LCA5: variants seen among roughly 807,000 people sequenced by gnomAD.
LCA5 encodes lebercilin.
In LCA5, 37 loss-of-function variants were observed where a neutral mutation model predicts 53.0. The ratio of observed to expected loss-of-function variants is 0.70; its 90% CI spans 0.54 to 0.92. The LOEUF is 0.92. Among genes scored for constraint, LCA5 ranks in the 40% least tolerant of loss-of-function variants. The pLI is 0.00. For missense variants in LCA5, 806 were observed against 790.5 expected, an observed-to-expected ratio of 1.02 and a Z score of -0.23; for synonymous variants, 303 against 282.9, an observed-to-expected ratio of 1.07 and a Z score of -0.71.
chr6:79,514,232 T>A (rs750799004), intron 2 of LCA5, among the ~76,000 whole-genome samples: 1 of 152,192 alleles, frequency 6.6e-6, no homozygotes, highest in African/African-American at 2.4e-5. Flanking sequence ...TTTTTTCATA[T>A]GCTTGTTGGC....
chr6:79,526,413 G>A (rs568227107), intron 1 of LCA5, among the ~76,000 whole-genome samples: 5 of 152,156 alleles, frequency 3.3e-5, no homozygotes, highest in South Asian at 2.1e-4. Context: ...GCGAGGTGGC[G>A]GGCGCGTGTA....
intron 1 of LCA5, among the ~76,000 whole-genome samples, chr6:79,528,111 G>C (rs1318212698): frequency 6.6e-6 from 1 of 152,124 alleles, no homozygotes; most frequent in East Asian, 1.9e-4. Flanking sequence ...TTTCCTCTAG[G>C]ATAAAATATC....
intron 3 of LCA5, among the ~76,000 whole-genome samples, chr6:79,494,053 C>A (rs1769914065): frequency 6.6e-6 from 1 of 152,020 alleles, no homozygotes; most frequent in Non-Finnish European, 1.5e-5. Flanking sequence ...GCTCTTGAGA[C>A]CAGCCTAGAC....
At chr6:79,504,985 T>C (rs1770238324) in intron 3 of LCA5, among the ~76,000 whole-genome samples, 1 of 152,186 alleles carries the variant, frequency 6.6e-6, no homozygotes, top group Admixed American at 6.6e-5. Context: ...ATTGCACACA[T>C]AGCAACAATT....
chr6:79,499,562 T>C (rs1243062289), intron 3 of LCA5, among the ~76,000 whole-genome samples: 2 of 151,388 alleles, frequency 1.3e-5, no homozygotes, highest in African/African-American at 4.8e-5. Context: ...AAATATTTCA[T>C]AAAAAATATT....
At chr6:79,504,606 C>G (rs1035058651) in intron 3 of LCA5, among the ~76,000 whole-genome samples, 1 of 152,158 alleles carries the variant, frequency 6.6e-6, no homozygotes, top group East Asian at 1.9e-4. Context: ...ATCTAACAGT[C>G]TGTTTACATA....
chr6:79,504,062 T>C (rs1215063326), intron 3 of LCA5, among the ~76,000 whole-genome samples: 2 of 152,118 alleles, frequency 1.3e-5, no homozygotes, highest in African/African-American at 4.8e-5. Flanking sequence ...GGAATGATAA[T>C]AACCACAAGA....
In LCA5 at chr6:79,487,374, C is replaced by G; in HGVS notation, c.1724G>C (p.Ser575Thr). The part of the protein sequence containing the change: ...ERSNPFSQKS[S>T]FLDFQRNSME... The stretch of plus-strand genomic sequence containing the variant: ...ACTGTTTCTTTGGAAATCCAAAAAA[C>G]TACTTTTTTGACTAAATGGATTTGA... Residue 575 changes from serine to threonine, a missense_variant, in exon 8 of 8, where the codon AGT (serine) becomes ACT (threonine). By Grantham distance (58) the Ser-to-Thr change is moderately conservative (BLOSUM62 1). Coordinates refer to ENST00000369846, the MANE Select transcript of LCA5 (RefSeq NM_001122769.3). The G allele has an allele frequency of 6.2e-7, 1 of 1,612,858 alleles. No homozygotes were observed. The highest frequency in any genetic ancestry group is 8.5e-7 in the Non-Finnish European group (1 of 1,179,614).
Position 79,486,926 on chromosome 6 carries a change from A to G in LCA5, c.*78T>C. 5.0e-6 allele frequency: 6 copies of G among 1,204,576 alleles called. No individual in the cohort carries two copies. Among genetic ancestry groups the G allele is most frequent in the Non-Finnish European group, 6.9e-6 (6 of 868,032 alleles). The allele number at this position is 1,204,576 out of a possible 1,614,324, so 74.6% of individuals were successfully genotyped here. On this transcript the variant is annotated 3_prime_UTR_variant, in exon 8 of 8. Transcript: ENST00000369846. Reference sequence around the variant, plus strand: ...TTAATAAGGACATTTTAGCATTAAAAAGTCTAAATGTTTATAATAAATACT... The same window carrying G: ...TTAATAAGGACATTTTAGCATTAAAGAGTCTAAATGTTTATAATAAATACT...
At chr6:79,519,970 C>T (rs1460026982) in intron 1 of LCA5, among the ~76,000 whole-genome samples, 3 of 151,970 alleles carry the variant, frequency 2.0e-5, no homozygotes, top group Admixed American at 1.3e-4. Flanking sequence ...AAAGATTTTT[C>T]GAAATAATAA....
intron 1 of LCA5, among the ~76,000 whole-genome samples, chr6:79,532,258 T>G (rs1406338509): frequency 6.6e-6 from 1 of 152,212 alleles, no homozygotes; most frequent in Non-Finnish European, 1.5e-5. Context: ...CAAAGTCATG[T>G]GAGTCTAGTC....
intron 7 of LCA5, 131 bp from the exon 8 acceptor site, chr6:79,487,997 A>C (rs1232844832): frequency 1.4e-6 from 1 of 715,606 alleles, no homozygotes; most frequent in Non-Finnish European, 2.3e-6. Flanking sequence ...AGACATCATA[A>C]ATTTCATTTC....
chr6:79,515,414 A>T (rs1766397971), intron 2 of LCA5, among the ~76,000 whole-genome samples: 1 of 152,144 alleles, frequency 6.6e-6, no homozygotes, highest in African/African-American at 2.4e-5. Flanking sequence ...ATCACATCCT[A>T]AAAAATATAA....
At chr6:79,533,430 A>T (rs1282099584) in intron 1 of LCA5, among the ~76,000 whole-genome samples, 1 of 152,062 alleles carries the variant, frequency 6.6e-6, no homozygotes, top group East Asian at 1.9e-4. Context: ...ACTAGATAAA[A>T]GCAAAAAAGG....
At chr6:79,519,240 C>T (rs1415578093) in intron 1 of LCA5, among the ~76,000 whole-genome samples, 155 bp from the exon 2 acceptor site, 1 of 152,138 alleles carries the variant, frequency 6.6e-6, no homozygotes, top group Non-Finnish European at 1.5e-5. Flanking sequence ...AAGTTACTTA[C>T]AGTATTTGGA....
intron 2 of LCA5, among the ~76,000 whole-genome samples, chr6:79,515,853 A>G (rs924104845): frequency 3.9e-5 from 6 of 152,054 alleles, no homozygotes; most frequent in Middle Eastern, 3.2e-3. Context: ...GACTGAATAC[A>G]TGAAAGGAAG....
At chr6:79,506,723 T>C (rs926159294) in intron 3 of LCA5, among the ~76,000 whole-genome samples, 1 of 152,212 alleles carries the variant, frequency 6.6e-6, no homozygotes, top group African/African-American at 2.4e-5. Context: ...CTGAGACACT[T>C]TGGAGGGTCT....
At chr6:79,524,322 T>A (rs1319742880) in intron 1 of LCA5, among the ~76,000 whole-genome samples, 1 of 152,204 alleles carries the variant, frequency 6.6e-6, no homozygotes. Flanking sequence ...CATCCTTAAA[T>A]AATTTCTTCA....
Position 79,487,676 on chromosome 6 carries a change from A to G in LCA5, c.1422T>C (p.Ile474=). Residue 474 remains isoleucine (I), a synonymous_variant, in exon 8 of 8, where the codon ATT becomes ATC. Transcript: ENST00000369846. ...REMLLAKLNE[I]DRELQDSRNL... is the part of the protein sequence containing the mutation. ...TTCGAGAATCTTGGAGTTCTCTGTC[A>G]ATTTCATTCAGTTTAGCAAGTAGCA... 1.2e-6 allele frequency: 2 copies of G among 1,613,874 alleles called. 1 individual carries two copies. Among genetic ancestry groups the G allele is most frequent in the African/African-American group, 2.7e-5 (2 of 75,026 alleles).
Sources: allele counts gnomAD v4.1 joint callset (sites outside exome capture counted in the v4.1 genomes callset), GRCh38; gene constraint gnomAD v4.1.1; transcripts MANE v1.5; gene names NCBI Gene and HGNC (gene_info 2026-07-23, HGNC 2026-07-21).